Variants in PDZRN4 observed in about 807,000 individuals in gnomAD.
PDZRN4 encodes PDZ domain-containing RING finger protein 4.
In PDZRN4, 70 loss-of-function variants were observed where a neutral mutation model predicts 99.0. That is an observed-to-expected ratio of 0.71 (90% CI 0.58 to 0.86). PDZRN4 has a LOEUF of 0.86. Ranked by LOEUF, PDZRN4 falls within the 40% of genes least tolerant of loss-of-function variation. The pLI, the probability that PDZRN4 is intolerant of heterozygous loss-of-function variation, is 0.00. For missense variants in PDZRN4, 1,474 were observed against 1,331.2 expected (o/e 1.11, Z -1.67); for synonymous variants, 551 against 501.6 (o/e 1.10, Z -1.32).
intron 3 of PDZRN4, among the ~76,000 whole-genome samples, chr12:41,361,185 C>T (rs917317147): frequency 1.3e-5 from 2 of 151,916 alleles, no homozygotes; most frequent in African/African-American, 2.4e-5. Context: ...CAAGAATAAT[C>T]GCTCAGTAGA....
intron 6 of PDZRN4, among the ~76,000 whole-genome samples, chr12:41,554,222 A>C (rs959263100): frequency 4.6e-5 from 7 of 152,236 alleles, no homozygotes; most frequent in African/African-American, 1.7e-4. Context: ...GAAGTTTAAT[A>C]TTAGTTTGAT....
intron 3 of PDZRN4, among the ~76,000 whole-genome samples, chr12:41,352,640 C>T (rs1385502512): frequency 5.3e-5 from 8 of 152,064 alleles, no homozygotes; most frequent in Non-Finnish European, 1.5e-5. Context: ...CTTATTAACC[C>T]AATTTTTTTC....
chr12:41,458,940 A>G (rs1300724815), intron 3 of PDZRN4, among the ~76,000 whole-genome samples: 1 of 152,144 alleles, frequency 6.6e-6, no homozygotes, highest in Non-Finnish European at 1.5e-5. Context: ...TGGGAAGAGG[A>G]TGGACATTGG....
rs1950707029 is a variant in PDZRN4, at chr12:41,188,373, C to A, written c.-83C>A. The A allele has an allele frequency of 1.5e-6, 2 of 1,330,988 alleles. No individual in the cohort carries two copies. Among genetic ancestry groups the A allele is most frequent in the East Asian group, 2.7e-5 (1 of 37,214 alleles). The allele number at this position is 1,330,988 out of a possible 1,614,324, so 82.4% of individuals were successfully genotyped here. A position where few individuals can be genotyped will look rare whatever the true frequency, so the allele number is the denominator to read the frequency against. ...CACTGCCGCCGCCGCGAGACGGCTG[C>A]CCCGGGGGTGGCCCGGGGAAGGCAG... On this transcript the variant is annotated 5_prime_UTR_variant, in exon 1 of 10. Transcript: ENST00000402685.
intron 5 of PDZRN4, among the ~76,000 whole-genome samples, chr12:41,510,326 T>C (rs1322769239): frequency 6.6e-6 from 1 of 152,148 alleles, no homozygotes; most frequent in Non-Finnish European, 1.5e-5. Flanking sequence ...TCTTTGGAAA[T>C]GCAATACTCT....
chr12:41,228,714 G>A (rs76658793), intron 3 of PDZRN4, among the ~76,000 whole-genome samples: 2,623 of 152,174 alleles, frequency 0.017, 40 homozygotes, highest in East Asian at 0.059. Flanking sequence ...TTTTCTTAGA[G>A]AGAAAACAAA....
In PDZRN4 at chr12:41,573,636, G is replaced by A; in HGVS notation, c.2857G>A (p.Ala953Thr). Residue 953 changes from alanine to threonine, a missense_variant, in exon 10 of 10, where the codon GCC becomes ACC. Transcript: ENST00000402685. ...KEERKQHLVR[A>T]KEQRRRREFM... ...GGAGAGAAAGCAGCACCTGGTTAGGGCCAAAGAGCAGCGCCGTCGCCGTGA... is the reference window on the plus strand; with the variant it reads ...GGAGAGAAAGCAGCACCTGGTTAGGACCAAAGAGCAGCGCCGTCGCCGTGA... 6.2e-7 allele frequency: 1 copy of A among 1,614,034 alleles called. No individual in the cohort carries two copies. The highest frequency in any genetic ancestry group is 2.2e-5 in the East Asian group (1 of 44,858).
intron 3 of PDZRN4, among the ~76,000 whole-genome samples, chr12:41,216,219 T>C (rs1365438041): frequency 2.0e-5 from 3 of 151,992 alleles, no homozygotes; most frequent in African/African-American, 7.2e-5. Context: ...AGAGAAATAA[T>C]GAGTAATCTA....
intron 3 of PDZRN4, among the ~76,000 whole-genome samples, chr12:41,321,689 A>T (rs1951678912): frequency 6.6e-6 from 1 of 152,070 alleles, no homozygotes; most frequent in African/African-American, 2.4e-5. Flanking sequence ...ATCAGTCTTA[A>T]TCACTGTTTT....
intron 7 of PDZRN4, among the ~76,000 whole-genome samples, chr12:41,557,701 G>T (rs1939193014): frequency 6.6e-6 from 1 of 151,406 alleles, no homozygotes; most frequent in East Asian, 1.9e-4. Flanking sequence ...TTTTAACCGT[G>T]GACCTTCTGT....
intron 3 of PDZRN4, among the ~76,000 whole-genome samples, chr12:41,267,042 G>A (rs185079704): frequency 1.3e-3 from 200 of 152,234 alleles, no homozygotes; most frequent in African/African-American, 4.6e-3. Context: ...ATGAAACTCT[G>A]CTCATGAAAC....
chr12:41,188,403 G>T lies in PDZRN4; in HGVS notation c.-53G>T, dbSNP rs1219062895. The T allele has an allele frequency of 1.4e-6, 2 of 1,448,674 alleles. No individual in the cohort carries two copies. Among genetic ancestry groups the T allele is most frequent in the Non-Finnish European group, 1.8e-6 (2 of 1,098,214 alleles). The allele number at this position is 1,448,674 out of a possible 1,614,324, so 89.7% of individuals were successfully genotyped here. The stretch of plus-strand genomic sequence containing the variant: ...GGGGTGGCCCGGGGAAGGCAGGGGG[G>T]CTCGGAGAAGACGGACTCTGCTTTC... On this transcript the variant is annotated 5_prime_UTR_variant, in exon 1 of 10. Coordinates refer to ENST00000402685, the MANE Select transcript of PDZRN4 (RefSeq NM_001164595.2).
chr12:41,448,996 C>A (rs567818232), intron 3 of PDZRN4, among the ~76,000 whole-genome samples: 117 of 152,258 alleles, frequency 7.7e-4, no homozygotes, highest in Non-Finnish European at 9.1e-4. Context: ...CCAGACCAAG[C>A]ATTTCATTAC....
intron 2 of PDZRN4, among the ~76,000 whole-genome samples, chr12:41,192,448 T>G (rs182353901): frequency 5.7e-4 from 87 of 152,340 alleles, no homozygotes; most frequent in Middle Eastern, 3.4e-3. Flanking sequence ...CTTGGTTCTC[T>G]TTGCTACTTT....
intron 3 of PDZRN4, among the ~76,000 whole-genome samples, chr12:41,353,155 T>C (rs1337653213): frequency 6.6e-6 from 1 of 152,096 alleles, no homozygotes; most frequent in Non-Finnish European, 1.5e-5. Context: ...TCATAATTAT[T>C]TTAATTATTT....
chr12:41,496,941 G>A (rs1248166699), intron 3 of PDZRN4, among the ~76,000 whole-genome samples: 1 of 152,104 alleles, frequency 6.6e-6, no homozygotes, highest in Non-Finnish European at 1.5e-5. Flanking sequence ...CATAGATAGG[G>A]TATAATGAAC....
At chr12:41,350,685 A>G (rs1375051306) in intron 3 of PDZRN4, among the ~76,000 whole-genome samples, 1 of 152,150 alleles carries the variant, frequency 6.6e-6, no homozygotes, top group East Asian at 1.9e-4. Flanking sequence ...CAAGTCATGC[A>G]GGAAACAATA....
At chr12:41,290,050 T>C (rs2120905226) in intron 3 of PDZRN4, among the ~76,000 whole-genome samples, 1 of 152,312 alleles carries the variant, frequency 6.6e-6, no homozygotes, top group South Asian at 2.1e-4. Context: ...ACTGTGTACA[T>C]AGGAAGTACT....
chr12:41,263,217 G>T (rs942668377), intron 3 of PDZRN4, among the ~76,000 whole-genome samples: 1 of 152,112 alleles, frequency 6.6e-6, no homozygotes, highest in African/African-American at 2.4e-5. Flanking sequence ...GGAATGTACT[G>T]ATAAAGCCTT....
Sources: allele counts gnomAD v4.1 joint callset (sites outside exome capture counted in the v4.1 genomes callset), GRCh38; gene constraint gnomAD v4.1.1; transcripts MANE v1.5; gene names NCBI Gene and HGNC (gene_info 2026-07-23, HGNC 2026-07-21).